The following THSD7B variants were observed in gnomAD, a reference collection of about 807,000 sequenced individuals.
The protein encoded by THSD7B is thrombospondin type 1 domain containing 7B.
A neutral mutation model predicts 213.6 loss-of-function variants in THSD7B; 138 were observed. The observed-to-expected ratio is 0.65, with a 90% confidence interval of 0.56 to 0.74. The LOEUF (loss-of-function observed/expected upper bound fraction) is 0.74. Among genes scored for constraint, THSD7B ranks in the 30% least tolerant of loss-of-function variants. The pLI, the probability that THSD7B is intolerant of heterozygous loss-of-function variation, is 0.00. For missense variants in THSD7B, 1,931 were observed against 1,991.5 expected, an observed-to-expected ratio of 0.97 and a Z score of 0.58; for synonymous variants, 742 against 687.0, an observed-to-expected ratio of 1.08 and a Z score of -1.25.
chr2:136,944,243 G>A (rs1043708764), intron 2 of THSD7B, among the ~76,000 whole-genome samples: 1 of 152,188 alleles, frequency 6.6e-6, no homozygotes, highest in African/African-American at 2.4e-5. Flanking sequence ...TGTGGTCTGA[G>A]AGACAGTTTG....
chr2:137,456,660 G>A (rs144605940), intron 15 of THSD7B, among the ~76,000 whole-genome samples: 103 of 152,284 alleles, frequency 6.8e-4, no homozygotes, highest in African/African-American at 2.4e-3. Flanking sequence ...CCATGATTGA[G>A]CACATTCAGG....
chr2:136,870,592 T>C (rs1445969533), intron 1 of THSD7B, among the ~76,000 whole-genome samples: 1 of 152,208 alleles, frequency 6.6e-6, no homozygotes, highest in Non-Finnish European at 1.5e-5. Context: ...ATCTCAGTTG[T>C]GCTGAAGAGA....
intron 3 of THSD7B, among the ~76,000 whole-genome samples, chr2:137,064,582 A>G (rs1197474864): frequency 6.6e-6 from 1 of 151,904 alleles, no homozygotes; most frequent in East Asian, 1.9e-4. Context: ...GCCCATTTCA[A>G]TGTTTGAAGA....
At position 137,583,368 on chromosome 2, in the gene THSD7B, T is replaced by A. The variant is rs112644056; in HGVS notation, c.3423+10812T>A. Among the ~76,000 whole-genome samples, 15 of 152,186 alleles carry A rather than the reference T, an allele frequency of 9.9e-5. No individual in the cohort carries two copies. In the East Asian group the frequency reaches 1.2e-3, roughly 12 times the overall value. The stretch of plus-strand genomic sequence containing the variant: ...TTAGATCCCATTTGTCAATTTTGGC[T>A]TTTGTTGCCGTTGTTTTTGGTGTTT... On this transcript the variant is annotated intron_variant, in intron 17 of 27. Coordinates refer to ENST00000409968, the MANE Select transcript of THSD7B (RefSeq NM_001316349.2).
chr2:137,581,082 G>T (rs1377596455), intron 17 of THSD7B, among the ~76,000 whole-genome samples: 1 of 152,020 alleles, frequency 6.6e-6, no homozygotes, highest in Non-Finnish European at 1.5e-5. Flanking sequence ...AATACTCATT[G>T]TGTATTATCT....
At chr2:136,996,582 G>A (rs1031958671) in intron 2 of THSD7B, among the ~76,000 whole-genome samples, 1 of 152,094 alleles carries the variant, frequency 6.6e-6, no homozygotes, top group African/African-American at 2.4e-5. Flanking sequence ...CTGGGCTCAA[G>A]CAATCCACCT....
intron 14 of THSD7B, among the ~76,000 whole-genome samples, chr2:137,412,213 C>T (rs780060459): frequency 3.3e-5 from 5 of 151,720 alleles, no homozygotes; most frequent in Non-Finnish European, 5.9e-5. Flanking sequence ...TTTTTTCATG[C>T]TCTGACCATA....
rs1180688760 is a variant in THSD7B, at chr2:137,411,616, C to T, written c.2703C>T (p.Ser901=). 4 of 1,609,874 alleles carry T rather than the reference C, an allele frequency of 2.5e-6. No homozygotes were observed. Among genetic ancestry groups the T allele is most frequent in the Admixed American group, 1.7e-5 (1 of 59,746 alleles). The part of the protein sequence containing the change: ...KSRRRQLTGK[S]RKKEKCQDSD... ...TGTCTCTTGTTGGAACAGGGAAAAG[C>T]AGAAAGAAGGAGAAATGCCAGGATT... Residue 901 remains serine (S), a synonymous_variant, in exon 14 of 28, where the codon AGC becomes AGT. Transcript: ENST00000409968.
At chr2:137,478,623 T>C (rs189650408) in intron 15 of THSD7B, among the ~76,000 whole-genome samples, 1 of 152,196 alleles carries the variant, frequency 6.6e-6, no homozygotes, top group African/African-American at 2.4e-5. Flanking sequence ...GGTGTCATGT[T>C]CTCTTGCTTT....
intron 10 of THSD7B, among the ~76,000 whole-genome samples, chr2:137,269,523 T>A (rs1337552286): frequency 6.6e-6 from 1 of 152,140 alleles, no homozygotes. Context: ...TTCTATTGTT[T>A]TCAGTCCTTA....
chr2:136,883,129 T>C (rs1345674811), intron 2 of THSD7B, among the ~76,000 whole-genome samples: 1 of 152,138 alleles, frequency 6.6e-6, no homozygotes, highest in Non-Finnish European at 1.5e-5. Context: ...CAAATACTGA[T>C]AACTTATATA....
chr2:137,503,328 CA>C (rs1376059412), intron 15 of THSD7B, among the ~76,000 whole-genome samples: 1 of 152,136 alleles, frequency 6.6e-6, no homozygotes, highest in African/African-American at 2.4e-5. Context: ...ACATTCCTCA[CA>C]AAAAAGTCTC....
intron 5 of THSD7B, among the ~76,000 whole-genome samples, chr2:137,147,504 G>C (rs1380806521): frequency 1.3e-5 from 2 of 151,032 alleles, no homozygotes; most frequent in Non-Finnish European, 3.0e-5. Context: ...TAGAGACACA[G>C]AGTTCTTACT....
intron 17 of THSD7B, among the ~76,000 whole-genome samples, chr2:137,582,111 A>T (rs1681593766): frequency 6.7e-6 from 1 of 150,176 alleles, no homozygotes; most frequent in South Asian, 2.2e-4. Context: ...TTCTCAAAAA[A>T]TAAAATATAG....
intron 1 of THSD7B, among the ~76,000 whole-genome samples, chr2:136,804,838 G>A (rs1682255519): frequency 6.6e-6 from 1 of 152,272 alleles, no homozygotes; most frequent in African/African-American, 2.4e-5. Context: ...AGTGATAAAT[G>A]CAACTTTCTT....
At chr2:137,301,528 G>A (rs1028477661) in intron 12 of THSD7B, among the ~76,000 whole-genome samples, 9 of 151,994 alleles carry the variant, frequency 5.9e-5, no homozygotes, top group Non-Finnish European at 1.3e-4. Context: ...AATCAGGAGA[G>A]GAGGACAGAG....
intron 15 of THSD7B, among the ~76,000 whole-genome samples, chr2:137,467,588 T>C (rs560602409): frequency 7.9e-5 from 12 of 152,312 alleles, no homozygotes; most frequent in African/African-American, 2.9e-4. Flanking sequence ...GAATGTCCCC[T>C]ATATACACTT....
intron 15 of THSD7B, among the ~76,000 whole-genome samples, chr2:137,462,379 T>C (rs150883989): frequency 6.6e-6 from 1 of 152,170 alleles, no homozygotes; most frequent in African/African-American, 2.4e-5. Flanking sequence ...TAAATAATTA[T>C]CTTTTGAAGA....
intron 12 of THSD7B, among the ~76,000 whole-genome samples, chr2:137,280,420 T>C (rs942887895): frequency 1.2e-4 from 18 of 152,164 alleles, no homozygotes; most frequent in Non-Finnish European, 1.2e-4. Context: ...TATATACCAT[T>C]AGACTGCCAG....
Sources: allele counts gnomAD v4.1 joint callset (sites outside exome capture counted in the v4.1 genomes callset), GRCh38; gene constraint gnomAD v4.1.1; transcripts MANE v1.5; gene names NCBI Gene and HGNC (gene_info 2026-07-23, HGNC 2026-07-21).